MPZL3: variants seen among roughly 807,000 people sequenced by gnomAD.
The protein encoded by MPZL3 is myelin protein zero like 3, also known as myelin protein zero-like protein 3.
MPZL3 carries 23 observed loss-of-function variants against 24.8 expected under a neutral mutation model. The ratio of observed to expected loss-of-function variants is 0.93; its 90% confidence interval spans 0.67 to 1.31. MPZL3 has a LOEUF of 1.31. MPZL3 is among the 40% of genes most tolerant of loss of function. The probability of loss-of-function intolerance (pLI) is 0.00; values close to 1 mark genes in which losing one functional copy is unlikely to be tolerated. For missense variants in MPZL3, 277 were observed against 294.9 expected (o/e 0.94, Z 0.44); for synonymous variants, 99 against 106.5 (o/e 0.93, Z 0.44).
chr11:118,247,019 G>A (rs1227476019), intron 1 of MPZL3, among the ~76,000 whole-genome samples: 1 of 152,122 alleles, frequency 6.6e-6, no homozygotes, highest in Non-Finnish European at 1.5e-5. Flanking sequence ...GGGAGCTGTG[G>A]GCAACCTGAC....
chr11:118,247,902 C>A (rs185325851), intron 1 of MPZL3, among the ~76,000 whole-genome samples: 1 of 152,146 alleles, frequency 6.6e-6, no homozygotes, highest in Admixed American at 6.5e-5. Flanking sequence ...GCATCTCTCT[C>A]CATCCTCATG....
At chr11:118,237,381 CT>C in intron 2 of MPZL3, 121 bp from the exon 3 acceptor site, 3 of 803,412 alleles carry the variant, frequency 3.7e-6, no homozygotes, top group Non-Finnish European at 5.9e-6. Flanking sequence ...AGTTGGGCAA[CT>C]TTTTATGCTT....
chr11:118,252,264 C>T lies in MPZL3; in HGVS notation c.31G>A (p.Gly11Ser), dbSNP rs372469506. MQQRGAAGSR[G>S]CALFPLLGVL... is the part of the protein sequence containing the mutation. ...CCCAGCAGAGGGAAGAGAGCGCAGC[C>T]ACGGCTTCCAGCTGCTCCTCTCTGC... is the stretch of plus-strand genomic sequence containing the variant. The change falls in exon 1 of 6, where the codon GGC becomes AGC. Residue 11 changes from glycine to serine, a missense_variant. Gly to Ser is a moderately conservative substitution (Grantham distance 56). Coordinates refer to ENST00000278949, the MANE Select transcript of MPZL3 (RefSeq NM_198275.3). 1 of 1,613,998 alleles carries T rather than the reference C, an allele frequency of 6.2e-7. No homozygotes were observed. Among genetic ancestry groups the T allele is most frequent in the Non-Finnish European group, 8.5e-7 (1 of 1,179,970 alleles).
chr11:118,243,328 G>GCC (rs1429315809), intron 1 of MPZL3, among the ~76,000 whole-genome samples: 1 of 152,112 alleles, frequency 6.6e-6, no homozygotes, highest in Non-Finnish European at 1.5e-5. Flanking sequence ...GAAACTCGAG[G>GCC]CCATATAAAC....
chr11:118,251,399 T>C (rs995471611), intron 1 of MPZL3, among the ~76,000 whole-genome samples: 10 of 152,006 alleles, frequency 6.6e-5, no homozygotes, highest in Non-Finnish European at 1.2e-4. Flanking sequence ...TCAAGGAAAT[T>C]TTATAAATTT....
rs899642103 is a variant in MPZL3, at chr11:118,250,729, C to T, written c.73+1493G>A. Among the ~76,000 whole-genome samples the T allele has an allele frequency of 1.2e-4, 18 of 151,960 alleles. No individual in the cohort carries two copies. The East Asian group carries it at 2.3e-3, about 20-fold the overall frequency. On this transcript the variant is annotated intron_variant, in intron 1 of 5. Transcript: ENST00000278949. ...CCGAGTAGCTGGGATTACAGGCGCC[C>T]GCCACCACGCCTGGCTAATTTTTTT...
At chr11:118,243,163 A>G (rs1206110278) in intron 1 of MPZL3, among the ~76,000 whole-genome samples, 1 of 152,200 alleles carries the variant, frequency 6.6e-6, no homozygotes, top group Non-Finnish European at 1.5e-5. Flanking sequence ...TATCTCCCAC[A>G]GCTGAGTCCT....
chr11:118,231,201 A>C (rs1179771955), intron 5 of MPZL3, among the ~76,000 whole-genome samples: 2 of 152,220 alleles, frequency 1.3e-5, no homozygotes, highest in Non-Finnish European at 2.9e-5. Context: ...CAAATCATCC[A>C]ATAATCAATT....
chr11:118,237,764 AATTTCCACAC>A (rs1949445492), intron 2 of MPZL3, among the ~76,000 whole-genome samples: 1 of 152,170 alleles, frequency 6.6e-6, no homozygotes, highest in East Asian at 1.9e-4. Context: ...GTTTGCAAAT[AATTTCCACAC>A]ATTTACTCAC....
intron 3 of MPZL3, among the ~76,000 whole-genome samples, chr11:118,236,653 C>T (rs748284737): frequency 6.6e-6 from 1 of 152,142 alleles, no homozygotes; most frequent in Non-Finnish European, 1.5e-5. Context: ...AGGGGGTACC[C>T]TTTCAAGACA....
At chr11:118,240,427 A>G in intron 1 of MPZL3, 50 bp from the exon 2 acceptor site, 1 of 1,534,988 alleles carries the variant, frequency 6.5e-7, no homozygotes, top group Non-Finnish European at 8.7e-7. Context: ...TGGGTGGAAT[A>G]TACAGATGTG....
intron 5 of MPZL3, among the ~76,000 whole-genome samples, chr11:118,232,611 C>T (rs1392107927): frequency 6.6e-6 from 1 of 151,990 alleles, no homozygotes; most frequent in African/African-American, 2.4e-5. Flanking sequence ...TGGATAATAA[C>T]CGTATGAACA....
chr11:118,251,362 T>C (rs11216834), intron 1 of MPZL3, among the ~76,000 whole-genome samples: 31,917 of 151,850 alleles, frequency 0.21, 3,444 homozygotes, highest in Middle Eastern at 0.28. Flanking sequence ...TAATATTAAA[T>C]ATCTCTTTCA....
intron 4 of MPZL3, among the ~76,000 whole-genome samples, chr11:118,234,058 GAATA>G (rs1212610750): frequency 1.3e-5 from 2 of 152,036 alleles, no homozygotes; most frequent in Non-Finnish European, 2.9e-5. Flanking sequence ...CAGTTGTTAG[GAATA>G]AATAAAAAAT....
intron 1 of MPZL3, among the ~76,000 whole-genome samples, chr11:118,251,049 T>C (rs1429193270): frequency 6.6e-6 from 1 of 151,750 alleles, no homozygotes; most frequent in African/African-American, 2.4e-5. Context: ...AGATTTTTTT[T>C]CTCAATAAGA....
At chr11:118,252,136 G>C in intron 1 of MPZL3, 86 bp downstream of exon 1, 1 of 1,399,606 alleles carries the variant, frequency 7.1e-7, no homozygotes, top group East Asian at 2.3e-5. Context: ...GGGCTTTCTG[G>C]AGACCCCCCT....
chr11:118,234,857 C>A (rs1949402550), intron 4 of MPZL3, among the ~76,000 whole-genome samples: 1 of 151,954 alleles, frequency 6.6e-6, no homozygotes, highest in East Asian at 1.9e-4. Context: ...TTTTGATTTC[C>A]TTTTACTACA....
intron 1 of MPZL3, among the ~76,000 whole-genome samples, chr11:118,247,243 T>C (rs977491966): frequency 6.6e-6 from 1 of 152,022 alleles, no homozygotes; most frequent in Non-Finnish European, 1.5e-5. Context: ...AAAGAATGAG[T>C]CTGGTGGGAG....
Position 118,252,351 on chromosome 11 carries a change from G to A in MPZL3, c.-57C>T. ...GTTTACAGCTCCCGGTAACGACACA[G>A]GTAACACCGGAAGTGACGTCAGAGC... is the stretch of plus-strand genomic sequence containing the variant. On this transcript the variant is annotated 5_prime_UTR_variant, in exon 1 of 6. Transcript: ENST00000278949. The A allele has an allele frequency of 1.3e-6, 2 of 1,554,286 alleles. No homozygotes were observed. The highest frequency in any genetic ancestry group is 2.2e-5 in the South Asian group (2 of 89,690).
Sources: gnomAD v4.1 joint callset for allele counts (sites outside exome capture counted in the v4.1 genomes callset) on GRCh38, gnomAD v4.1.1 for gene constraint, MANE v1.5 for transcripts, NCBI Gene and HGNC (gene_info 2026-07-23, HGNC 2026-07-21) for gene names.